COPS7B: variants seen among roughly 807,000 people sequenced by gnomAD.
COPS7B encodes the protein COP9 signalosome complex subunit 7b.
COPS7B carries 9 observed loss-of-function variants against 33.4 expected under a neutral mutation model. The ratio of observed to expected loss-of-function variants is 0.27; its 90% CI spans 0.16 to 0.47. The LOEUF is 0.47. Ranked by LOEUF, COPS7B falls within the 20% of genes least tolerant of loss-of-function variation. COPS7B has a pLI of 0.99. For synonymous variants in COPS7B, 119 were observed against 126.3 expected (o/e 0.94, Z 0.39); for missense variants, 242 against 318.2 (o/e 0.76, Z 1.82).
At position 231,808,409 on chromosome 2, in the gene COPS7B, T is replaced by A. The variant is rs1008546213; in HGVS notation, c.*764T>A. On this transcript the variant is annotated 3_prime_UTR_variant, in exon 7 of 7. Transcript: ENST00000350033. ...CTGCCTCTGACTACTCAGCCTTGTT[T>A]TCGGTGTGTAGGCCCCAGCTGCCCA... 2 of 470,880 alleles carry A rather than the reference T, an allele frequency of 4.2e-6. No homozygotes were observed. Among genetic ancestry groups the A allele is most frequent in the African/African-American group, 4.0e-5 (2 of 49,978 alleles). The allele number at this position is 470,880 out of a possible 1,614,324, so 29.2% of individuals were successfully genotyped here.
upstream of COPS7B, among the ~76,000 whole-genome samples, chr2:231,783,339 G>T (rs2049172474): frequency 6.6e-6 from 1 of 152,152 alleles, no homozygotes; most frequent in African/African-American, 2.4e-5. Context: ...AGTGATAGTA[G>T]ACATTGCCAG....
chr2:231,801,920 G>A (rs1447111177), intron 6 of COPS7B, among the ~76,000 whole-genome samples: 1 of 152,006 alleles, frequency 6.6e-6, no homozygotes, highest in African/African-American at 2.4e-5. Context: ...GATTACAGGT[G>A]CCCGCCACCA....
chr2:231,798,076 G>A (rs552429041), intron 5 of COPS7B, among the ~76,000 whole-genome samples: 183 of 151,510 alleles, frequency 1.2e-3, no homozygotes, highest in African/African-American at 4.3e-3. Context: ...TAGTAGAGAC[G>A]GGGTTTCTCC....
intron 5 of COPS7B, 67 bp downstream of exon 5, chr2:231,796,375 T>G: frequency 6.8e-7 from 1 of 1,467,248 alleles, no homozygotes; most frequent in East Asian, 2.3e-5. Context: ...AAAATGTGAT[T>G]CCCTGGTGTC....
Position 231,794,332 on chromosome 2 carries a change from G to C in COPS7B, c.308G>C (p.Ser103Thr). The C allele has an allele frequency of 6.2e-7, 1 of 1,614,058 alleles. No individual in the cohort carries two copies. The highest frequency in any genetic ancestry group is 8.5e-7 in the Non-Finnish European group (1 of 1,179,970). ...AAGCTGAAGCATCTTACCATCGTGA[G>C]CTTGGCATCAAGAATGAAGGTACGG... ...QNKLKHLTIVSLASRMKCIPY... is the reference protein window; with the variant it reads ...QNKLKHLTIVTLASRMKCIPY... Residue 103 changes from serine (S) to threonine (T), a missense_variant, in exon 4 of 7, where the codon AGC becomes ACC. Transcript: ENST00000350033.
chr2:231,804,052 A>G (rs192597484), intron 6 of COPS7B, among the ~76,000 whole-genome samples: 100 of 152,306 alleles, frequency 6.6e-4, no homozygotes, highest in African/African-American at 2.3e-3. Context: ...TAAAGAGAGA[A>G]ATAAATGCCG....
At chr2:231,795,081 A>C (rs1377845811) in intron 4 of COPS7B, among the ~76,000 whole-genome samples, 1 of 151,952 alleles carries the variant, frequency 6.6e-6, no homozygotes, top group Non-Finnish European at 1.5e-5. Context: ...CACCATGCCC[A>C]TAATTTTTAT....
chr2:231,800,219 C>T (rs1055491126), intron 6 of COPS7B, among the ~76,000 whole-genome samples: 1 of 152,174 alleles, frequency 6.6e-6, no homozygotes, highest in Admixed American at 6.5e-5. Flanking sequence ...TGCGTGAGTC[C>T]AGGAGTTCGA....
chr2:231,794,379 C>T, intron 4 of COPS7B, 28 bp downstream of exon 4: 1 of 1,569,188 alleles, frequency 6.4e-7, no homozygotes. Flanking sequence ...CTCTTGTCTT[C>T]CTCCTTACCC....
At chr2:231,801,447 T>C in intron 6 of COPS7B, 1 of 453,404 alleles carries the variant, frequency 2.2e-6, no homozygotes, top group Non-Finnish European at 2.9e-6. Context: ...GGAAAGTATT[T>C]TCTTTTTGAG....
At chr2:231,795,214 C>T (rs950533111) in intron 4 of COPS7B, among the ~76,000 whole-genome samples, 7 of 152,058 alleles carry the variant, frequency 4.6e-5, no homozygotes, top group Admixed American at 3.3e-4. Flanking sequence ...CCACCGTGCC[C>T]GGCCTTTTTA....
upstream of COPS7B, chr2:231,781,881 A>G: frequency 6.4e-7 from 1 of 1,550,706 alleles, no homozygotes. Flanking sequence ...TCTGCAAATC[A>G]TGGTAAGGCT....
intron 5 of COPS7B, among the ~76,000 whole-genome samples, chr2:231,796,782 A>G (rs142303957): frequency 6.6e-6 from 1 of 152,244 alleles, no homozygotes; most frequent in Non-Finnish European, 1.5e-5. Flanking sequence ...AATCAGTAAC[A>G]TATTGGGCTA....
chr2:231,799,897 T>G (rs1317300203), intron 6 of COPS7B, among the ~76,000 whole-genome samples: 1 of 152,224 alleles, frequency 6.6e-6, no homozygotes, highest in African/African-American at 2.4e-5. Context: ...TATGCACTCC[T>G]TGAAAATAAA....
rs1371497509 is a variant in COPS7B at position 231,808,746 on chromosome 2, T to C, written c.*1101T>C. ...TCCCCCCTCGTGTCAATATTTGTTA[T>C]AGACTAATCGCCGGGGATTTTTCAC... is the stretch of plus-strand genomic sequence containing the variant. On this transcript the variant is annotated 3_prime_UTR_variant, in exon 7 of 7. Coordinates refer to ENST00000350033, the MANE Select transcript of COPS7B (RefSeq NM_022730.4). 1.5e-5 allele frequency: 2 copies of C among 136,224 alleles called. No individual in the cohort carries two copies. The highest frequency in any genetic ancestry group is 2.9e-5 in the African/African-American group (1 of 34,924). 8.4% of individuals were successfully genotyped at this position (136,224 alleles called of 1,614,324 possible). A position where few individuals can be genotyped will look rare whatever the true frequency, so the allele number is the denominator to read the frequency against.
At chr2:231,787,559 C>T (rs1021917820) in intron 1 of COPS7B, among the ~76,000 whole-genome samples, 1 of 151,026 alleles carries the variant, frequency 6.6e-6, no homozygotes, top group Non-Finnish European at 1.5e-5. Flanking sequence ...ATCTTTTTAT[C>T]GTTTTCTTGA....
chr2:231,799,602 C>T (rs2049683511), intron 6 of COPS7B, among the ~76,000 whole-genome samples: 3 of 152,108 alleles, frequency 2.0e-5, no homozygotes, highest in Non-Finnish European at 4.4e-5. Context: ...GATGTAGGCC[C>T]CAGCCTTTGC....
At chr2:231,801,074 C>G in intron 6 of COPS7B, 1 of 1,370,124 alleles carries the variant, frequency 7.3e-7, no homozygotes, top group Non-Finnish European at 1.0e-6. Flanking sequence ...TTACCCTTGG[C>G]CTAACTTTTA....
upstream of COPS7B, among the ~76,000 whole-genome samples, chr2:231,785,103 G>A (rs559783948): frequency 3.3e-5 from 5 of 152,326 alleles, 1 homozygote; most frequent in South Asian, 4.1e-4. Context: ...GAGCCACCGC[G>A]CCCGGCAACA....
Sources: allele counts gnomAD v4.1 joint callset (sites outside exome capture counted in the v4.1 genomes callset), GRCh38; gene constraint gnomAD v4.1.1; transcripts MANE v1.5; gene names NCBI Gene and HGNC (gene_info 2026-07-23, HGNC 2026-07-21).